CADM1: variants seen among roughly 807,000 people sequenced by gnomAD.
CADM1 encodes cell adhesion molecule 1.
A neutral mutation model predicts 53.1 loss-of-function variants in CADM1; 15 were observed. The ratio of observed to expected loss-of-function variants is 0.28; its 90% CI spans 0.19 to 0.44. CADM1 has a LOEUF of 0.44. Among genes scored for constraint, CADM1 ranks in the 20% least tolerant of loss-of-function variants. The probability of loss-of-function intolerance (pLI) is 1.00; values close to 1 mark genes in which losing one functional copy is unlikely to be tolerated. For missense variants in CADM1, 434 were observed against 611.3 expected, an observed-to-expected ratio of 0.71 and a Z score of 3.06; for synonymous variants, 281 against 243.0, an observed-to-expected ratio of 1.16 and a Z score of -1.45.
chr11:115,237,099 A>G (rs1164784056), intron 3 of CADM1, among the ~76,000 whole-genome samples: 1 of 152,208 alleles, frequency 6.6e-6, no homozygotes. Flanking sequence ...TATGCTGCTA[A>G]TGACTTACTC....
At chr11:115,310,985 C>T (rs1391636565) in intron 1 of CADM1, among the ~76,000 whole-genome samples, 2 of 152,136 alleles carry the variant, frequency 1.3e-5, no homozygotes, top group Non-Finnish European at 2.9e-5. Flanking sequence ...TTTGTTGTTA[C>T]AGGCATTACA....
At chr11:115,358,366 A>G (rs1473803556) in intron 1 of CADM1, among the ~76,000 whole-genome samples, 1 of 152,224 alleles carries the variant, frequency 6.6e-6, no homozygotes, top group Non-Finnish European at 1.5e-5. Flanking sequence ...AGGCCTTACA[A>G]TCATGGCGGA....
chr11:115,487,403 A>G (rs922686306), intron 1 of CADM1, among the ~76,000 whole-genome samples: 1 of 152,200 alleles, frequency 6.6e-6, no homozygotes, highest in African/African-American at 2.4e-5. Context: ...AAAATCTTGA[A>G]GGTGATGACC....
intron 1 of CADM1, among the ~76,000 whole-genome samples, chr11:115,346,412 C>T (rs904539646): frequency 1.3e-5 from 2 of 152,062 alleles, no homozygotes; most frequent in South Asian, 4.1e-4. Context: ...TTTGTTGTTT[C>T]TATAGAGATG....
chr11:115,191,548 A>G (rs904905651), intron 9 of CADM1, among the ~76,000 whole-genome samples: 3 of 152,234 alleles, frequency 2.0e-5, no homozygotes, highest in Non-Finnish European at 4.4e-5. Flanking sequence ...TCAAAGCTGA[A>G]AAAGCAGTTA....
At chr11:115,306,344 C>T (rs913556423) in intron 1 of CADM1, among the ~76,000 whole-genome samples, 5 of 152,070 alleles carry the variant, frequency 3.3e-5, no homozygotes, top group South Asian at 2.1e-4. Context: ...GTAGACTACA[C>T]CATCTATGTT....
chr11:115,214,545 A>C (rs965405642), intron 7 of CADM1, 63 bp downstream of exon 7: 21 of 1,494,876 alleles, frequency 1.4e-5, no homozygotes, highest in Non-Finnish European at 1.9e-5. Context: ...TTTGAGAGTA[A>C]ATCACAAGTA....
chr11:115,287,220 G>T (rs1943751845), intron 1 of CADM1, among the ~76,000 whole-genome samples: 1 of 152,192 alleles, frequency 6.6e-6, no homozygotes, highest in African/African-American at 2.4e-5. Flanking sequence ...TTTATACACT[G>T]ATATTCTACA....
chr11:115,492,932 T>TACATAC (rs143117813), intron 1 of CADM1, among the ~76,000 whole-genome samples: 1 of 146,754 alleles, frequency 6.8e-6, no homozygotes, highest in East Asian at 2.0e-4. Context: ...GGATATTTTA[T>TACATAC]ACACACACAC....
chr11:115,333,966 C>A (rs987823847), intron 1 of CADM1, among the ~76,000 whole-genome samples: 3 of 152,070 alleles, frequency 2.0e-5, no homozygotes, highest in Non-Finnish European at 4.4e-5. Flanking sequence ...AGGTTCCTTC[C>A]TTTTCATACA....
At chr11:115,370,838 T>C (rs1946289759) in intron 1 of CADM1, among the ~76,000 whole-genome samples, 1 of 152,208 alleles carries the variant, frequency 6.6e-6, no homozygotes, top group South Asian at 2.1e-4. Flanking sequence ...GAATACCTAA[T>C]GTTACTGCAA....
intron 1 of CADM1, among the ~76,000 whole-genome samples, chr11:115,368,188 C>A (rs4466872): frequency 1 from 145,030 of 145,032 alleles, 72,514 homozygotes; most frequent in Middle Eastern, 1. Flanking sequence ...GGGGGATAGC[C>A]GTTTTTAAAA....
chr11:115,211,671 A>AGTAGAGAC (rs1940972629), intron 7 of CADM1, among the ~76,000 whole-genome samples: 1 of 114,880 alleles, frequency 8.7e-6, no homozygotes, highest in South Asian at 3.1e-4. Flanking sequence ...TTTTTTTTTT[A>AGTAGAGAC]GTAGAGACGG....
At chr11:115,283,294 A>C (rs559981544) in intron 1 of CADM1, among the ~76,000 whole-genome samples, 2 of 152,308 alleles carry the variant, frequency 1.3e-5, no homozygotes, top group South Asian at 4.2e-4. Flanking sequence ...ATGGGAGCTG[A>C]GGAAGAAAGG....
chr11:115,476,518 C>T (rs80184284), intron 1 of CADM1, among the ~76,000 whole-genome samples: 3,034 of 152,262 alleles, frequency 0.02, 133 homozygotes, highest in East Asian at 0.16. Context: ...TGCATGCTCT[C>T]TGCATGCATC....
At chr11:115,448,850 T>C (rs1381726839) in intron 1 of CADM1, among the ~76,000 whole-genome samples, 2 of 152,162 alleles carry the variant, frequency 1.3e-5, no homozygotes, top group Non-Finnish European at 2.9e-5. Flanking sequence ...TGAAATAAAA[T>C]TACTATAAAA....
intron 1 of CADM1, among the ~76,000 whole-genome samples, chr11:115,254,606 C>T (rs567675957): frequency 1.5e-4 from 23 of 148,946 alleles, no homozygotes; most frequent in African/African-American, 3.8e-4. Flanking sequence ...AGACAACAAA[C>T]GCATACTTGT....
chr11:115,364,364 T>G (rs1946104733), intron 1 of CADM1, among the ~76,000 whole-genome samples: 1 of 152,208 alleles, frequency 6.6e-6, no homozygotes. Flanking sequence ...CATTCTCTCC[T>G]ATCCATTTTC....
At chr11:115,363,598 A>G (rs961519225) in intron 1 of CADM1, 3 of 152,234 alleles carry the variant, frequency 2.0e-5, no homozygotes, top group Non-Finnish European at 4.4e-5. Flanking sequence ...AAGGCTTAAG[A>G]TAAACAGAAA....
Sources: gnomAD v4.1 joint callset for allele counts (sites outside exome capture counted in the v4.1 genomes callset) on GRCh38, gnomAD v4.1.1 for gene constraint, MANE v1.5 for transcripts, NCBI Gene and HGNC (gene_info 2026-07-23, HGNC 2026-07-21) for gene names.